DCAF1: variants seen among roughly 807,000 people sequenced by gnomAD.
DCAF1 encodes the protein DDB1- and CUL4-associated factor 1.
Under a neutral mutation model 128.0 loss-of-function variants are expected in DCAF1, and 15 were observed. The ratio of observed to expected loss-of-function variants is 0.12; its 90% CI spans 0.08 to 0.18. The LOEUF is 0.18. Ranked by LOEUF, DCAF1 falls within the 10% of genes least tolerant of loss-of-function variation. The probability of loss-of-function intolerance (pLI) is 1.00; values close to 1 mark genes in which losing one functional copy is unlikely to be tolerated. For synonymous variants in DCAF1, 610 were observed against 603.0 expected, an observed-to-expected ratio of 1.01 and a Z score of -0.17; for missense variants, 988 against 1,649.5, an observed-to-expected ratio of 0.60 and a Z score of 6.95.
intron 9 of DCAF1, among the ~76,000 whole-genome samples, chr3:51,438,284 G>A (rs546601896): frequency 3.3e-5 from 5 of 151,924 alleles, no homozygotes; most frequent in Admixed American, 1.3e-4. Context: ...GATTGCTTAC[G>A]ATATACCAGT....
chr3:51,443,363 G>C (rs571810188), intron 7 of DCAF1, among the ~76,000 whole-genome samples: 1 of 152,228 alleles, frequency 6.6e-6, no homozygotes, highest in Admixed American at 6.5e-5. Flanking sequence ...GGCCTAGGCA[G>C]GTGGATCATG....
In DCAF1 at chr3:51,498,788, G is replaced by C. The variant is rs189876119; in HGVS notation, c.-56+1085C>G. Among the ~76,000 whole-genome samples the C allele has an allele frequency of 7.4e-3, 1,120 of 151,978 alleles. 12 individuals carry two copies. Among genetic ancestry groups the C allele is most frequent in the South Asian group, 0.061 (294 of 4,816 alleles). ...AAAACCCAAATGGTCACATCATTAAGAAAAATACTAAATAGATCCTAAAAT... is the reference window on the plus strand; with the variant it reads ...AAAACCCAAATGGTCACATCATTAACAAAAATACTAAATAGATCCTAAAAT... On this transcript the variant is annotated intron_variant, in intron 1 of 24. Transcript: ENST00000684031.
chr3:51,429,272 G>T lies in DCAF1; in HGVS notation c.1666C>A (p.Pro556Thr). Reference sequence around the variant, plus strand: ...CAAGGTCCTCTCACCTTGTACGGGGGTTGTGGGTGGACAAGAATGCCACCC... The same window carrying T: ...CAAGGTCCTCTCACCTTGTACGGGGTTTGTGGGTGGACAAGAATGCCACCC... ...TEGGILVHPQPPYKACSYTHE... is the reference protein window; with the variant it reads ...TEGGILVHPQTPYKACSYTHE... Residue 556 changes from proline (P) to threonine (T), a missense_variant, in exon 12 of 25, where the codon CCC (proline) becomes ACC (threonine). By Grantham distance (38) the Pro-to-Thr change is conservative. Transcript: ENST00000684031. 1 of 777,892 alleles carries T rather than the reference G, an allele frequency of 1.3e-6. No homozygotes were observed. Among genetic ancestry groups the T allele is most frequent in the Non-Finnish European group, 2.4e-6 (1 of 416,644 alleles). 48.2% of individuals were successfully genotyped at this position (777,892 alleles called of 1,614,324 possible).
At chr3:51,429,176 C>A (rs1553634856) in intron 12 of DCAF1, 85 bp downstream of exon 12, 1 of 701,586 alleles carries the variant, frequency 1.4e-6, no homozygotes, top group Non-Finnish European at 2.7e-6. Context: ...AGCACAGAGT[C>A]CACTGATCTG....
chr3:51,493,427 GA>G (rs1359534313), intron 2 of DCAF1, among the ~76,000 whole-genome samples: 1 of 150,800 alleles, frequency 6.6e-6, no homozygotes, highest in East Asian at 2.0e-4. Flanking sequence ...CCTGGGCAAT[GA>G]GCGCAAAACT....
At chr3:51,436,866 T>A (rs1460591538) in intron 9 of DCAF1, among the ~76,000 whole-genome samples, 1 of 152,218 alleles carries the variant, frequency 6.6e-6, no homozygotes, top group Non-Finnish European at 1.5e-5. Context: ...TTCAAAAATT[T>A]GGACTGCAAT....
intron 2 of DCAF1, among the ~76,000 whole-genome samples, chr3:51,485,077 A>G (rs1553654774): frequency 2.0e-5 from 3 of 152,000 alleles, no homozygotes; most frequent in Admixed American, 1.3e-4. Flanking sequence ...CACCACGCCC[A>G]GCTAATTTTT....
intron 6 of DCAF1, among the ~76,000 whole-genome samples, chr3:51,460,291 G>A (rs1703398911): frequency 1.3e-5 from 2 of 152,262 alleles, no homozygotes; most frequent in Non-Finnish European, 2.9e-5. Flanking sequence ...GCCAAATCAT[G>A]AGTGAACTCC....
At chr3:51,448,329 T>C (rs1702065581) in intron 6 of DCAF1, among the ~76,000 whole-genome samples, 1 of 152,190 alleles carries the variant, frequency 6.6e-6, no homozygotes, top group Non-Finnish European at 1.5e-5. Flanking sequence ...GGATCTTCAT[T>C]ATTAGTTACC....
intron 17 of DCAF1, 76 bp downstream of exon 17, chr3:51,418,040 A>G (rs992094504): frequency 6.6e-6 from 10 of 1,519,784 alleles, no homozygotes; most frequent in African/African-American, 5.6e-5. Flanking sequence ...AAAGGCTTCC[A>G]GTCTAAGAAC....
At position 51,454,965 on chromosome 3, in the gene DCAF1, G is replaced by A. The variant is rs562257059; in HGVS notation, c.375+8149C>T. 5.9e-5 allele frequency among the ~76,000 whole-genome samples: 9 copies of A among 152,190 alleles called. No individual in the cohort carries two copies. The East Asian group carries it at 1.2e-3, about 20-fold the overall frequency. ...TGGGGTTACAGGTGTGAGCCGCCAC[G>A]CCCGGCCTACCCAGCCCCTAATTTT... is the stretch of plus-strand genomic sequence containing the variant. On this transcript the variant is annotated intron_variant, in intron 6 of 24. Coordinates refer to ENST00000684031, the MANE Select transcript of DCAF1 (RefSeq NM_001387579.1).
chr3:51,499,688 A>G (rs1708642815), intron 1 of DCAF1, among the ~76,000 whole-genome samples, 185 bp downstream of exon 1: 1 of 151,306 alleles, frequency 6.6e-6, no homozygotes, highest in African/African-American at 2.4e-5. Flanking sequence ...AATCAGGAGG[A>G]GGAAAAGTCC....
At chr3:51,460,950 T>TA (rs1210276005) in intron 6 of DCAF1, among the ~76,000 whole-genome samples, 7 of 151,966 alleles carry the variant, frequency 4.6e-5, no homozygotes, top group African/African-American at 1.5e-4. Flanking sequence ...CCTAAAACCA[T>TA]AAAAACCCTA....
At chr3:51,424,402 CAA>C (rs560911942) in intron 13 of DCAF1, among the ~76,000 whole-genome samples, 7 of 101,060 alleles carry the variant, frequency 6.9e-5, no homozygotes, top group Non-Finnish European at 4.1e-5. Flanking sequence ...GACTCTGCCT[CAA>C]AAAAAAAAAA....
At chr3:51,494,642 G>T (rs1334452762) in intron 2 of DCAF1, among the ~76,000 whole-genome samples, 2 of 150,912 alleles carry the variant, frequency 1.3e-5, no homozygotes, top group Non-Finnish European at 2.9e-5. Flanking sequence ...ATAAAGACAT[G>T]ATTTTTTAAA....
In DCAF1 at chr3:51,398,753, A is replaced by C. The variant is rs781989660; in HGVS notation, c.*16T>G. The C allele has an allele frequency of 1.7e-5, 27 of 1,584,328 alleles. 1 individual carries two copies. In the South Asian group the frequency reaches 3.1e-4, roughly 18 times the overall value. ...TTCTCGCCTGCCAAGAATCTCTTCC[A>C]AGCAGTGATGGCTCCTCACTCATTC... On this transcript the variant is annotated 3_prime_UTR_variant, in exon 25 of 25. Transcript: ENST00000684031.
chr3:51,454,701 T>C (rs1358311159), intron 6 of DCAF1, among the ~76,000 whole-genome samples: 2 of 150,016 alleles, frequency 1.3e-5, no homozygotes, highest in South Asian at 2.1e-4. Flanking sequence ...TGAGACGGAG[T>C]CTCGCTCTGT....
chr3:51,462,766 A>C (rs1703746789), intron 6 of DCAF1, among the ~76,000 whole-genome samples: 1 of 145,968 alleles, frequency 6.9e-6, no homozygotes, highest in South Asian at 2.2e-4. Flanking sequence ...AAAAAAAAAA[A>C]CTATAGCACC....
At chr3:51,473,866 C>T (rs1307052164) in intron 3 of DCAF1, among the ~76,000 whole-genome samples, 12 of 151,752 alleles carry the variant, frequency 7.9e-5, no homozygotes, top group Admixed American at 2.6e-4. Flanking sequence ...TGCAATGGCA[C>T]GATGTCGGCT....
Sources: gnomAD v4.1 joint callset for allele counts (sites outside exome capture counted in the v4.1 genomes callset) on GRCh38, gnomAD v4.1.1 for gene constraint, MANE v1.5 for transcripts, NCBI Gene and HGNC (gene_info 2026-07-23, HGNC 2026-07-21) for gene names.